The following DAP3 variants were observed in gnomAD, a reference collection of about 807,000 sequenced individuals.
DAP3 encodes small ribosomal subunit protein mS29.
DAP3 carries 28 observed loss-of-function variants against 51.9 expected under a neutral mutation model. That is an observed-to-expected ratio of 0.54 (90% CI 0.40 to 0.74). The LOEUF (loss-of-function observed/expected upper bound fraction) is 0.74. Among genes scored for constraint, DAP3 ranks in the 30% least tolerant of loss-of-function variants. DAP3 has a pLI of 0.00. For synonymous variants in DAP3, 170 were observed against 170.3 expected, an observed-to-expected ratio of 1.00 and a Z score of 0.01; for missense variants, 458 against 483.5, an observed-to-expected ratio of 0.95 and a Z score of 0.49.
chr1:155,711,844 T>C (rs1369969351), intron 2 of DAP3, among the ~76,000 whole-genome samples: 1 of 151,136 alleles, frequency 6.6e-6, no homozygotes, highest in Non-Finnish European at 1.5e-5. Flanking sequence ...CCCTGGCAAA[T>C]CACTGTTGTA....
At chr1:155,703,232 AAG>A (rs1390210649) in intron 1 of DAP3, among the ~76,000 whole-genome samples, 1 of 152,204 alleles carries the variant, frequency 6.6e-6, no homozygotes, top group East Asian at 1.9e-4. Context: ...TATTAAGAAA[AAG>A]AGGTTTAATG....
In DAP3 at chr1:155,731,409, T is replaced by C; in HGVS notation, c.897T>C (p.Asn299=). 1 of 1,613,866 alleles carries C rather than the reference T, an allele frequency of 6.2e-7. No individual in the cohort carries two copies. The highest frequency in any genetic ancestry group is 8.5e-7 in the Non-Finnish European group (1 of 1,179,940). Residue 299 remains asparagine (N), a synonymous_variant, in exon 10 of 13, where the codon AAT becomes AAC. Transcript: ENST00000368336. ...ACAACTTGAGGAAAATGATGAAAAA[T>C]GATTGGGTAAGTGCATATGATACCT... ...LVHNLRKMMK[N]DWHGGAIVSA...
At position 155,727,665 on chromosome 1, in the gene DAP3, G is replaced by T. The variant is rs141747463; in HGVS notation, c.530G>T (p.Arg177Leu). Residue 177 changes from arginine to leucine, a missense_variant, in exon 7 of 13, where the codon CGC (arginine) becomes CTC (leucine). Coordinates refer to ENST00000368336, the MANE Select transcript of DAP3 (RefSeq NM_004632.4). ...CTGCAGTCCAGCTACAACAAACAGCGCTTTGATCAACCTTTAGAGGCTTCA... is the reference window on the plus strand; with the variant it reads ...CTGCAGTCCAGCTACAACAAACAGCTCTTTGATCAACCTTTAGAGGCTTCA... ...DLLQSSYNKQ[R>L]FDQPLEASTW... is the part of the protein sequence containing the mutation. 6 of 1,613,502 alleles carry T rather than the reference G, an allele frequency of 3.7e-6. No homozygotes were observed. In the African/African-American group the frequency reaches 5.3e-5, roughly 14 times the overall value.
At chr1:155,688,248 G>A (rs1309640231), upstream of DAP3, 9 of 1,609,066 alleles carry the variant, frequency 5.6e-6, no homozygotes, top group Admixed American at 8.5e-5. Flanking sequence ...AGGGCTAAAG[G>A]GGCAAACTGA....
chr1:155,700,795 T>C (rs1193298698), intron 1 of DAP3, among the ~76,000 whole-genome samples: 47 of 105,502 alleles, frequency 4.5e-4, no homozygotes, highest in East Asian at 2.5e-3. Flanking sequence ...AGGTGAGGGG[T>C]GCCTCTGCCC....
chr1:155,715,385 A>C (rs955425907), intron 2 of DAP3, among the ~76,000 whole-genome samples: 4 of 151,746 alleles, frequency 2.6e-5, no homozygotes, highest in African/African-American at 4.8e-5. Context: ...AGCTGGGCAT[A>C]GTGGCATGCA....
chr1:155,702,602 T>G (rs1655450237), intron 1 of DAP3, among the ~76,000 whole-genome samples: 1 of 152,200 alleles, frequency 6.6e-6, no homozygotes, highest in Admixed American at 6.5e-5. Context: ...GTGGGTGAAT[T>G]TCAGGTTGTC....
rs747840157 is a variant in DAP3 at position 155,729,343 on chromosome 1, C to A, written c.820C>A (p.Leu274Met). 12 of 1,613,888 alleles carry A rather than the reference C, an allele frequency of 7.4e-6. No homozygotes were observed. In the South Asian group the frequency reaches 9.9e-5, roughly 13 times the overall value. ...CAATGCTCTTTGGGGAAGAACCACT[C>A]TGAAAAGAGAAGATAAAAGCCCGGT... Reference protein sequence around the residue: ...GINALWGRTTLKREDKSPIAP... With the variant: ...GINALWGRTTMKREDKSPIAP... The change falls in exon 9 of 13, where the codon CTG becomes ATG. Residue 274 changes from leucine to methionine, a missense_variant. By Grantham distance (15) the Leu-to-Met change is conservative. Transcript: ENST00000368336.
intron 1 of DAP3, among the ~76,000 whole-genome samples, chr1:155,709,404 G>A (rs909162534): frequency 3.3e-5 from 5 of 152,016 alleles, no homozygotes; most frequent in African/African-American, 7.2e-5. Flanking sequence ...CCTCAGCCCC[G>A]AGAAGTGTTC....
chr1:155,693,659 C>T lies in DAP3; in HGVS notation c.-8+4485C>T, dbSNP rs775830291. Among the ~76,000 whole-genome samples the T allele has an allele frequency of 5.2e-4, 74 of 142,104 alleles. 1 individual carries two copies. Among genetic ancestry groups the T allele is most frequent in the Non-Finnish European group, 9.4e-4 (64 of 68,030 alleles). 93.2% of individuals were successfully genotyped at this position (142,104 alleles called of 152,430 possible). On this transcript the variant is annotated intron_variant, in intron 1 of 12. Coordinates refer to ENST00000368336, the MANE Select transcript of DAP3 (RefSeq NM_004632.4). Reference sequence around the variant, plus strand: ...TAGGAATTATTTTGAAGTACCACAGCGTGATCAGAGATGCAATCCTGGCCG... The same window carrying T: ...TAGGAATTATTTTGAAGTACCACAGTGTGATCAGAGATGCAATCCTGGCCG...
At chr1:155,731,264 CAAAA>C in intron 9 of DAP3, 88 bp from the exon 10 acceptor site, 11 of 1,105,904 alleles carry the variant, frequency 9.9e-6, no homozygotes, top group South Asian at 1.4e-5. Context: ...GAGACTCTGT[CAAAA>C]AAAAAAAAAA....
intron 9 of DAP3, among the ~76,000 whole-genome samples, chr1:155,729,733 A>G (rs1658995135): frequency 1.3e-5 from 2 of 152,140 alleles, no homozygotes; most frequent in African/African-American, 4.8e-5. Flanking sequence ...GTAGTGTGGC[A>G]TGATTGCAAC....
intron 11 of DAP3, among the ~76,000 whole-genome samples, chr1:155,733,572 C>T (rs762978871): frequency 1.3e-5 from 2 of 152,210 alleles, no homozygotes; most frequent in Admixed American, 6.5e-5. Context: ...GGTGTGATGG[C>T]TCACGTCTGT....
chr1:155,738,259 G>T lies in DAP3; in HGVS notation c.*17G>T. The stretch of plus-strand genomic sequence containing the variant: ...TACCTCTAAGCCAAGATCACAGCAT[G>T]TGAGGAAGACAGTGGACATCTGCTT... On this transcript the variant is annotated 3_prime_UTR_variant, in exon 13 of 13. Transcript: ENST00000368336. 3 of 1,614,056 alleles carry T rather than the reference G, an allele frequency of 1.9e-6. No homozygotes were observed. Among genetic ancestry groups the T allele is most frequent in the Non-Finnish European group, 2.5e-6 (3 of 1,179,930 alleles).
chr1:155,737,172 C>T, intron 12 of DAP3, 109 bp downstream of exon 12: 1 of 787,384 alleles, frequency 1.3e-6, no homozygotes, highest in African/African-American at 1.7e-5. Context: ...ATTTGTACTT[C>T]ATCCTTTATC....
chr1:155,709,230 C>G (rs1656397458), intron 1 of DAP3: 1 of 152,312 alleles, frequency 6.6e-6, no homozygotes, highest in African/African-American at 2.4e-5. Flanking sequence ...GTGACCTCCA[C>G]CTCCTCCCAA....
At chr1:155,696,047 A>G (rs1448214890) in intron 1 of DAP3, among the ~76,000 whole-genome samples, 1 of 152,222 alleles carries the variant, frequency 6.6e-6, no homozygotes, top group Non-Finnish European at 1.5e-5. Flanking sequence ...TATTGGAACT[A>G]TAATCTTATT....
At chr1:155,736,211 C>G (rs539191882) in intron 11 of DAP3, among the ~76,000 whole-genome samples, 1 of 152,048 alleles carries the variant, frequency 6.6e-6, no homozygotes, top group African/African-American at 2.4e-5. Flanking sequence ...AGGCTGATCT[C>G]GAACTCCTGA....
At chr1:155,725,842 C>G (rs1266085544) in intron 5 of DAP3, 85 bp from the exon 6 acceptor site, 4 of 1,340,756 alleles carry the variant, frequency 3.0e-6, no homozygotes, top group African/African-American at 1.5e-5. Context: ...CCAACCCCAT[C>G]TCAAAAAAAC....
Sources: allele counts gnomAD v4.1 joint callset (sites outside exome capture counted in the v4.1 genomes callset), GRCh38; gene constraint gnomAD v4.1.1; transcripts MANE v1.5; gene names NCBI Gene and HGNC (gene_info 2026-07-23, HGNC 2026-07-21).